PCDH9: variants seen among roughly 807,000 people sequenced by gnomAD.
PCDH9 encodes the protein protocadherin 9.
Under a neutral mutation model 70.6 loss-of-function variants are expected in PCDH9, and 24 were observed. The ratio of observed to expected loss-of-function variants is 0.34; its 90% CI spans 0.25 to 0.48. The LOEUF (loss-of-function observed/expected upper bound fraction) is 0.48, where lower values mean the gene tolerates loss of function less well. PCDH9 is among the 20% of genes least tolerant of loss of function. The pLI, the probability that PCDH9 is intolerant of heterozygous loss-of-function variation, is 0.99. For synonymous variants in PCDH9, 562 were observed against 558.5 expected (o/e 1.01, Z -0.09); for missense variants, 1,281 against 1,503.6 (o/e 0.85, Z 2.45).
chr13:66,424,264 T>C (rs943228176), intron 4 of PCDH9, among the ~76,000 whole-genome samples: 10 of 152,152 alleles, frequency 6.6e-5, no homozygotes, highest in Non-Finnish European at 1.5e-4. Flanking sequence ...GAGTAATTTA[T>C]AGATTCAATG....
chr13:66,490,230 T>C (rs1447078804), intron 4 of PCDH9, among the ~76,000 whole-genome samples: 1 of 152,196 alleles, frequency 6.6e-6, no homozygotes, highest in Non-Finnish European at 1.5e-5. Context: ...TATCTGTCCT[T>C]TGCTTAAGGC....
At chr13:66,786,184 T>C (rs1566193466) in intron 3 of PCDH9, among the ~76,000 whole-genome samples, 1 of 152,146 alleles carries the variant, frequency 6.6e-6, no homozygotes, top group Admixed American at 6.5e-5. Flanking sequence ...ACTTTCCTAA[T>C]AGAACCTTGG....
At chr13:67,036,850 C>G (rs2085018926) in intron 2 of PCDH9, among the ~76,000 whole-genome samples, 1 of 152,158 alleles carries the variant, frequency 6.6e-6, no homozygotes, top group South Asian at 2.1e-4. Flanking sequence ...GTGGTATTCT[C>G]TAAGCGGAAG....
intron 4 of PCDH9, among the ~76,000 whole-genome samples, chr13:66,527,430 T>A (rs1348832299): frequency 6.6e-6 from 1 of 152,140 alleles, no homozygotes; most frequent in Non-Finnish European, 1.5e-5. Flanking sequence ...GTTTTCTTTC[T>A]CTGTATTCAT....
At chr13:67,184,546 C>T (rs577130006) in intron 2 of PCDH9, among the ~76,000 whole-genome samples, 18 of 152,024 alleles carry the variant, frequency 1.2e-4, no homozygotes, top group Non-Finnish European at 2.2e-4. Context: ...CAGAGCAATA[C>T]GGTGAAACCC....
Position 66,442,663 on chromosome 13 carries a change from G to C in PCDH9, c.3341-137635C>G, listed in dbSNP as rs200035149. On this transcript the variant is annotated intron_variant, in intron 4 of 4. Coordinates refer to ENST00000377865, the MANE Select transcript of PCDH9 (RefSeq NM_203487.3). ...AAAATAATAAACTCACCTCCAGTTT[G>C]TTGTTTTTTTTTCAGTCTTGTCTAA... is the stretch of plus-strand genomic sequence containing the variant. Among the ~76,000 whole-genome samples the C allele has an allele frequency of 0.024, 646 of 26,890 alleles. 23 individuals are homozygous for C. In the East Asian group the frequency reaches 0.32, roughly 13 times the overall value. 17.6% of individuals were successfully genotyped at this position (26,890 alleles called of 152,430 possible).
rs117558020 is a variant in PCDH9 at position 66,748,070 on chromosome 13, T to C, written c.3139-116659A>G. Among the ~76,000 whole-genome samples, 78 of 152,298 alleles carry C rather than the reference T, an allele frequency of 5.1e-4. 3 individuals are homozygous for C. The East Asian group carries it at 0.013, about 26-fold the overall frequency. On this transcript the variant is annotated intron_variant, in intron 3 of 4. Coordinates refer to ENST00000377865, the MANE Select transcript of PCDH9 (RefSeq NM_203487.3). Reference sequence around the variant, plus strand: ...ATTTTGGGTTCAGTAACACTGAACATGCACATTCAAGCAGAAAAACTTGAA... The same window carrying C: ...ATTTTGGGTTCAGTAACACTGAACACGCACATTCAAGCAGAAAAACTTGAA...
At chr13:66,643,200 T>C (rs559951231) in intron 3 of PCDH9, among the ~76,000 whole-genome samples, 216 of 152,084 alleles carry the variant, frequency 1.4e-3, no homozygotes, top group African/African-American at 4.8e-3. Flanking sequence ...TGGAGGAAAA[T>C]ATGTTTTAAG....
At chr13:66,325,785 T>G (rs1484256328) in intron 4 of PCDH9, among the ~76,000 whole-genome samples, 2 of 150,934 alleles carry the variant, frequency 1.3e-5, no homozygotes, top group Non-Finnish European at 2.9e-5. Context: ...TATTAGTGAA[T>G]ACAAGTACTT....
intron 4 of PCDH9, among the ~76,000 whole-genome samples, chr13:66,484,008 G>T (rs566364597): frequency 6.6e-6 from 1 of 152,104 alleles, no homozygotes; most frequent in East Asian, 1.9e-4. Context: ...TTTGGCCGGG[G>T]CACTTGGAGG....
intron 4 of PCDH9, among the ~76,000 whole-genome samples, chr13:66,338,269 T>C (rs765545011): frequency 6.6e-6 from 1 of 152,084 alleles, no homozygotes; most frequent in Non-Finnish European, 1.5e-5. Context: ...GTCTTTCTTA[T>C]GTCTATATTA....
chr13:66,425,220 TA>T (rs962053702), intron 4 of PCDH9, among the ~76,000 whole-genome samples: 7 of 151,824 alleles, frequency 4.6e-5, no homozygotes, highest in African/African-American at 1.7e-4. Flanking sequence ...TCTCTCTACC[TA>T]AAAACTTTGT....
chr13:66,723,150 A>C (rs1593954259), intron 3 of PCDH9, among the ~76,000 whole-genome samples: 2 of 152,108 alleles, frequency 1.3e-5, no homozygotes, highest in African/African-American at 4.8e-5. Context: ...ATGCAATCAA[A>C]CATTTTCTAA....
intron 2 of PCDH9, among the ~76,000 whole-genome samples, chr13:67,171,853 C>A (rs1198565626): frequency 6.6e-6 from 1 of 152,110 alleles, no homozygotes; most frequent in Non-Finnish European, 1.5e-5. Flanking sequence ...AACAGCAGAG[C>A]ACACTGTAAG....
chr13:66,500,125 T>C (rs1959168798), intron 4 of PCDH9, among the ~76,000 whole-genome samples: 1 of 152,228 alleles, frequency 6.6e-6, no homozygotes, highest in Non-Finnish European at 1.5e-5. Flanking sequence ...TTTCCTCTTC[T>C]ATTTCTATTA....
intron 2 of PCDH9, among the ~76,000 whole-genome samples, chr13:66,921,070 G>T (rs1052054035): frequency 5.3e-5 from 8 of 151,104 alleles, no homozygotes; most frequent in Admixed American, 1.3e-4. Flanking sequence ...AATGCATAAA[G>T]ATCCTAAAAT....
At chr13:66,699,203 T>C (rs958303601) in intron 3 of PCDH9, among the ~76,000 whole-genome samples, 2 of 152,082 alleles carry the variant, frequency 1.3e-5, no homozygotes, top group Non-Finnish European at 2.9e-5. Flanking sequence ...TGTGAGCCAC[T>C]GCGCCTGGCC....
intron 4 of PCDH9, among the ~76,000 whole-genome samples, chr13:66,332,101 C>T (rs1272807146): frequency 2.6e-5 from 4 of 152,258 alleles, no homozygotes; most frequent in Admixed American, 2.6e-4. Context: ...GAAGGCTGCT[C>T]TCAGTGGCCC....
At chr13:66,383,713 C>T (rs1030984978) in intron 4 of PCDH9, among the ~76,000 whole-genome samples, 2 of 152,166 alleles carry the variant, frequency 1.3e-5, no homozygotes, top group Non-Finnish European at 2.9e-5. Context: ...TTTTCTCATA[C>T]ACAATACACT....
Sources: gnomAD v4.1 joint callset for allele counts (sites outside exome capture counted in the v4.1 genomes callset) on GRCh38, gnomAD v4.1.1 for gene constraint, MANE v1.5 for transcripts, NCBI Gene and HGNC (gene_info 2026-07-23, HGNC 2026-07-21) for gene names.